ZFHX3: variants seen among roughly 807,000 people sequenced by gnomAD.
ZFHX3 encodes the protein zinc finger homeobox protein 3.
Under a neutral mutation model 279.1 loss-of-function variants are expected in ZFHX3, and 42 were observed. That is an observed-to-expected ratio of 0.15 (90% CI 0.12 to 0.19). The LOEUF (loss-of-function observed/expected upper bound fraction) is 0.19, where lower values mean the gene tolerates loss of function less well. Ranked by LOEUF, ZFHX3 falls within the 10% of genes least tolerant of loss-of-function variation. The probability of loss-of-function intolerance (pLI) is 1.00; values close to 1 mark genes in which losing one functional copy is unlikely to be tolerated. For synonymous variants in ZFHX3, 2,293 were observed against 1,957.8 expected (o/e 1.17, Z -4.52); for missense variants, 4,981 against 4,754.0 (o/e 1.05, Z -1.40).
intron 1 of ZFHX3, among the ~76,000 whole-genome samples, chr16:73,689,677 T>G (rs144465546): frequency 1.3e-5 from 2 of 152,322 alleles, no homozygotes; most frequent in African/African-American, 2.4e-5. Context: ...AGTTCTATGT[T>G]ACAAGTCAGA....
intron 7 of ZFHX3, among the ~76,000 whole-genome samples, chr16:73,108,399 G>T (rs912142359): frequency 2.6e-5 from 4 of 151,832 alleles, no homozygotes; most frequent in Non-Finnish European, 4.4e-5. Context: ...AAGAGGAGAA[G>T]GATGTATATT....
chr16:73,019,410 G>A (rs1363745530), intron 1 of ZFHX3, among the ~76,000 whole-genome samples: 2 of 152,094 alleles, frequency 1.3e-5, no homozygotes, highest in East Asian at 1.9e-4. Flanking sequence ...GAGTGCACAT[G>A]GGCTGCCTGG....
At chr16:73,720,080 C>A (rs921795930) in intron 1 of ZFHX3, among the ~76,000 whole-genome samples, 2 of 152,006 alleles carry the variant, frequency 1.3e-5, no homozygotes, top group Non-Finnish European at 2.9e-5. Context: ...TATAATGGAC[C>A]AATAAGTACT....
At chr16:73,696,803 A>C (rs1438965879) in intron 1 of ZFHX3, among the ~76,000 whole-genome samples, 1 of 152,100 alleles carries the variant, frequency 6.6e-6, no homozygotes, top group Non-Finnish European at 1.5e-5. Flanking sequence ...TGTGGCTTTC[A>C]TATCTTTAGT....
Position 73,285,313 on chromosome 16 carries a change from A to G in ZFHX3, c.-1193-28177T>C, listed in dbSNP as rs181507505. On this transcript the variant is annotated intron_variant, in intron 4 of 17. Transcript: ENST00000641206. ...AACTCGAAGAGATTAAGGGATCGGTAGAGGGTAATTGTGTGAGTCAGAAAT... is the reference window on the plus strand; with the variant it reads ...AACTCGAAGAGATTAAGGGATCGGTGGAGGGTAATTGTGTGAGTCAGAAAT... Among the ~76,000 whole-genome samples the G allele has an allele frequency of 4.2e-3, 638 of 152,352 alleles. 3 individuals are homozygous for G. Among genetic ancestry groups the G allele is most frequent in the South Asian group, 0.015 (74 of 4,822 alleles).
At chr16:73,300,304 A>T (rs1162501015) in intron 4 of ZFHX3, among the ~76,000 whole-genome samples, 1 of 149,614 alleles carries the variant, frequency 6.7e-6, no homozygotes, top group Non-Finnish European at 1.5e-5. Context: ...GAAATGCCCC[A>T]TTATAGAAAA....
In ZFHX3 at chr16:73,434,645, C is replaced by T. The variant is rs578093984; in HGVS notation, c.-1291+21358G>A. The stretch of plus-strand genomic sequence containing the variant: ...TGTTGTTGCTTTTTCCTGCAGAAAA[C>T]AACAATGTGTTTTTGGAGGTGATCA... On this transcript the variant is annotated intron_variant, in intron 3 of 17. Coordinates refer to the ZFHX3 transcript ENST00000641206. Among the ~76,000 whole-genome samples the T allele has an allele frequency of 6.6e-5, 10 of 152,034 alleles. 1 individual carries two copies. The South Asian group carries it at 1.9e-3, about 28-fold the overall frequency.
chr16:73,445,384 C>G (rs193272121), intron 3 of ZFHX3, among the ~76,000 whole-genome samples: 2 of 151,934 alleles, frequency 1.3e-5, no homozygotes, highest in East Asian at 3.9e-4. Context: ...AATAGCACCC[C>G]TTCACCATTT....
chr16:73,778,453 A>C (rs1959339149), intron 1 of ZFHX3, among the ~76,000 whole-genome samples: 1 of 152,184 alleles, frequency 6.6e-6, no homozygotes, highest in African/African-American at 2.4e-5. Context: ...ATATTTTGCA[A>C]AATAACATGT....
chr16:73,798,103 T>G (rs967469236), intron 1 of ZFHX3, among the ~76,000 whole-genome samples: 6 of 152,098 alleles, frequency 3.9e-5, no homozygotes, highest in African/African-American at 1.2e-4. Context: ...ACCACCGCAC[T>G]CGGTCCTTCT....
intron 3 of ZFHX3, among the ~76,000 whole-genome samples, chr16:72,918,556 T>C (rs1219140594): frequency 6.6e-6 from 1 of 152,118 alleles, no homozygotes; most frequent in Non-Finnish European, 1.5e-5. Flanking sequence ...AAAGTATCTC[T>C]ACCCCTGCAG....
At chr16:72,872,897 GA>G (rs750139160) in intron 4 of ZFHX3, among the ~76,000 whole-genome samples, 20 of 152,202 alleles carry the variant, frequency 1.3e-4, no homozygotes, top group Non-Finnish European at 2.4e-4. Context: ...CCCTGCCCAA[GA>G]TCCTCTCTTT....
intron 2 of ZFHX3, among the ~76,000 whole-genome samples, chr16:72,954,756 TC>T (rs1370634031): frequency 6.6e-6 from 1 of 152,140 alleles, no homozygotes; most frequent in African/African-American, 2.4e-5. Context: ...GAGCAGCAGA[TC>T]CGACTGTACT....
At position 72,958,974 on chromosome 16, in the gene ZFHX3, T is replaced by C; in HGVS notation, c.1172A>G (p.Gln391Arg). The C allele has an allele frequency of 6.2e-7, 1 of 1,604,718 alleles. No homozygotes were observed. Among genetic ancestry groups the C allele is most frequent in the Non-Finnish European group, 8.5e-7 (1 of 1,175,764 alleles). Reference sequence around the variant, plus strand: ...GGTGCTGGGGGTCAAGAGACCAGCCTGGGGCTGCTCGGGGCCAGCGGCGGA... The same window carrying C: ...GGTGCTGGGGGTCAAGAGACCAGCCCGGGGCTGCTCGGGGCCAGCGGCGGA... ...AGSAAGPEQP[Q>R]AGLLTPSTLL... Residue 391 changes from glutamine (Q) to arginine (R), a missense_variant, in exon 2 of 10, where the codon CAG becomes CGG. Physicochemically the swap from Gln to Arg is conservative, Grantham distance 43 (BLOSUM62 1). This residue lies in a region of ZFHX3 where 1,068 missense variants were observed against 935.2 expected (regional missense o/e 1.14). Coordinates refer to ENST00000268489, the MANE Select transcript of ZFHX3 (RefSeq NM_006885.4).
chr16:72,934,574 C>T (rs919196997), intron 3 of ZFHX3, among the ~76,000 whole-genome samples: 33 of 152,162 alleles, frequency 2.2e-4, no homozygotes, highest in Non-Finnish European at 5.9e-5. Flanking sequence ...TATGATTCTA[C>T]CCTCTTTAAA....
intron 4 of ZFHX3, among the ~76,000 whole-genome samples, chr16:73,295,107 A>T (rs1597268159): frequency 6.6e-6 from 1 of 151,668 alleles, no homozygotes; most frequent in Admixed American, 6.6e-5. Context: ...CTCAGCTACT[A>T]GGGAGGCTGA....
At chr16:73,170,229 T>TTTC (rs746844447) in intron 5 of ZFHX3, among the ~76,000 whole-genome samples, 1 of 131,902 alleles carries the variant, frequency 7.6e-6, no homozygotes, top group Non-Finnish European at 1.6e-5. Flanking sequence ...ACTAGTTTTT[T>TTTC]TTTTTTTTTT....
chr16:72,954,752 C>G (rs1961165086), intron 2 of ZFHX3, among the ~76,000 whole-genome samples: 1 of 152,192 alleles, frequency 6.6e-6, no homozygotes, highest in Non-Finnish European at 1.5e-5. Flanking sequence ...CAAAGAGCAG[C>G]AGATCCGACT....
intron 7 of ZFHX3, among the ~76,000 whole-genome samples, chr16:73,108,635 C>T (rs1336687809): frequency 6.6e-6 from 1 of 152,170 alleles, no homozygotes; most frequent in Non-Finnish European, 1.5e-5. Context: ...GGAGCACACC[C>T]ACCAGTACCT....
Sources: gnomAD v4.1 joint callset for allele counts (sites outside exome capture counted in the v4.1 genomes callset) on GRCh38, gnomAD v4.1.1 for gene constraint, gnomAD v4.1.1 regional missense constraint, MANE v1.5 for transcripts, NCBI Gene and HGNC (gene_info 2026-07-23, HGNC 2026-07-21) for gene names.